TIPIN: variants seen among roughly 807,000 people sequenced by gnomAD.
The protein encoded by TIPIN is TIMELESS-interacting protein.
A neutral mutation model predicts 35.6 loss-of-function variants in TIPIN; 29 were observed. The observed-to-expected ratio is 0.82, with a 90% CI of 0.61 to 1.11. The LOEUF (loss-of-function observed/expected upper bound fraction) is 1.11. TIPIN is among the 50% of genes most tolerant of loss of function. TIPIN has a pLI of 0.00. For missense variants in TIPIN, 296 were observed against 345.4 expected, an observed-to-expected ratio of 0.86 and a Z score of 1.13; for synonymous variants, 102 against 121.5, an observed-to-expected ratio of 0.84 and a Z score of 1.06.
intron 1 of TIPIN, among the ~76,000 whole-genome samples, chr15:66,354,436 T>C (rs1461319370): frequency 2.0e-5 from 3 of 152,224 alleles, no homozygotes; most frequent in Non-Finnish European, 4.4e-5. Flanking sequence ...TATTTCTCCT[T>C]ATCTCTATAA....
intron 1 of TIPIN, chr15:66,383,711 G>A (rs905158130): frequency 1.0e-5 from 4 of 394,100 alleles, no homozygotes; most frequent in Admixed American, 1.3e-4. Context: ...AAAGAAATGG[G>A]GAGATGTAGG....
At chr15:66,378,715 CCTTT>C (rs980345003) in intron 1 of TIPIN, among the ~76,000 whole-genome samples, 10 of 150,892 alleles carry the variant, frequency 6.6e-5, no homozygotes, top group African/African-American at 2.4e-4. Context: ...TATGATTTCA[CCTTT>C]CTTTCTTTAT....
At chr15:66,356,935 G>A (rs1401781664), upstream of TIPIN, among the ~76,000 whole-genome samples, 1 of 145,812 alleles carries the variant, frequency 6.9e-6, no homozygotes, top group Non-Finnish European at 1.5e-5. Flanking sequence ...TTTTTTTCTT[G>A]AGACTAAGTC....
chr15:66,337,330 T>A (rs191344731), intron 7 of TIPIN, 149 bp from the exon 8 acceptor site: 3,865 of 369,444 alleles, frequency 0.01, 30 homozygotes, highest in Non-Finnish European at 9.9e-3. Flanking sequence ...AAATATATCT[T>A]TTTTTTTTTT....
intron 1 of TIPIN, chr15:66,379,257 T>C (rs1462253332): frequency 3.4e-6 from 5 of 1,481,364 alleles, no homozygotes; most frequent in African/African-American, 1.4e-5. Flanking sequence ...ACAGGTCTTT[T>C]ATTACATCAT....
At chr15:66,386,697 C>A (rs2093340486) in exon 1 of TIPIN, 1 of 183,892 alleles carries the variant, frequency 5.4e-6, no homozygotes, top group African/African-American at 2.3e-5. Context: ...CTGCTTGCCT[C>A]GGGGCGACAG....
At chr15:66,340,171 C>CTTTTTTTTT (rs1213707475) in intron 7 of TIPIN, among the ~76,000 whole-genome samples, 2 of 69,566 alleles carry the variant, frequency 2.9e-5, no homozygotes, top group African/African-American at 5.5e-5. Flanking sequence ...TGCGCCTGGC[C>CTTTTTTTTT]TTTTTTTTTT....
chr15:66,337,023 G>A lies in TIPIN; in HGVS notation c.841C>T (p.Gln281Ter), dbSNP rs765347481. Residue 281 changes from glutamine to a stop codon, truncating the protein, a stop_gained, in exon 8 of 8, where the codon CAG becomes TAG. Coordinates refer to ENST00000261881, the MANE Select transcript of TIPIN (RefSeq NM_017858.3). LOFTEE classifies it high-confidence loss of function. ...TLNEEETLLD[Q>*]SFKNVQQQLD... ...TGCTGTTGCACATTTTTAAAAGACT[G>A]GTCCAGCAGTGTTTCCTCTTCATTT... The A allele has an allele frequency of 6.2e-7, 1 of 1,613,814 alleles. No homozygotes were observed. The highest frequency in any genetic ancestry group is 1.3e-5 in the African/African-American group (1 of 74,902).
In TIPIN at chr15:66,366,936, C is replaced by G. The variant is rs997910014; in HGVS notation, c.-8-13981G>C. 4 of 972,480 alleles carry G rather than the reference C, an allele frequency of 4.1e-6. No individual in the cohort carries two copies. The East Asian group carries it at 4.6e-4, about 111-fold the overall frequency. 60.2% of individuals were successfully genotyped at this position (972,480 alleles called of 1,614,324 possible). A position where few individuals can be genotyped will look rare whatever the true frequency, so the allele number is the denominator to read the frequency against. On this transcript the variant is annotated intron_variant, in intron 1 of 7. Coordinates refer to the TIPIN transcript ENST00000562124. ...GTGGCTCATACCTGTAATCCCACCA[C>G]TTTGGGAGGCCAAGGCAGGTGATCA...
At chr15:66,346,862 GCTCA>G (rs2093129402) in intron 6 of TIPIN, among the ~76,000 whole-genome samples, 1 of 151,880 alleles carries the variant, frequency 6.6e-6, no homozygotes, top group African/African-American at 2.4e-5. Flanking sequence ...CGTGATCTCG[GCTCA>G]CTGCAAGCTC....
intron 1 of TIPIN, among the ~76,000 whole-genome samples, chr15:66,374,871 T>A (rs2093290691): frequency 6.6e-6 from 1 of 151,922 alleles, no homozygotes; most frequent in Non-Finnish European, 1.5e-5. Context: ...TGTGAGCCAC[T>A]GCGCCTGGCC....
chr15:66,351,448 T>C (rs2093167173), intron 4 of TIPIN, 77 bp downstream of exon 4: 2 of 1,089,546 alleles, frequency 1.8e-6, no homozygotes, highest in Non-Finnish European at 1.4e-6. Context: ...CATTCTGAGA[T>C]TTCCAAGATC....
At chr15:66,377,450 C>T (rs956427405) in intron 1 of TIPIN, among the ~76,000 whole-genome samples, 4 of 150,694 alleles carry the variant, frequency 2.7e-5, no homozygotes, top group East Asian at 2.0e-4. Flanking sequence ...CTGCAACCTC[C>T]GCCTCTTGGG....
upstream of TIPIN, among the ~76,000 whole-genome samples, chr15:66,358,522 T>G (rs1261239225): frequency 6.6e-6 from 1 of 151,516 alleles, no homozygotes; most frequent in African/African-American, 2.4e-5. Context: ...CAGGTGATCC[T>G]CCCTCCCCAG....
chr15:66,368,589 G>T (rs1455610339), intron 1 of TIPIN, among the ~76,000 whole-genome samples: 2 of 152,034 alleles, frequency 1.3e-5, no homozygotes, highest in African/African-American at 4.8e-5. Context: ...ACCTAGATTT[G>T]CCAGTTTCTG....
intron 1 of TIPIN, among the ~76,000 whole-genome samples, chr15:66,364,758 G>A (rs934357661): frequency 7.9e-5 from 12 of 151,908 alleles, no homozygotes; most frequent in African/African-American, 2.9e-4. Context: ...CCTGAGGCCA[G>A]GAGTTCGAGA....
chr15:66,338,813 C>CAAAA (rs35966273), intron 7 of TIPIN, among the ~76,000 whole-genome samples: 84 of 35,252 alleles, frequency 2.4e-3, no homozygotes, highest in African/African-American at 0.011. Flanking sequence ...GACTCCGTCT[C>CAAAA]AAAAAAAAAA....
chr15:66,341,503 T>TAATA (rs1181762381), intron 6 of TIPIN, 147 bp from the exon 7 acceptor site: 6,908 of 8,256 alleles, frequency 0.84, 3,219 homozygotes, highest in Middle Eastern at 1. Flanking sequence ...GCGCGGTGGC[T>TAATA]CACGCCTGTA....
intron 3 of TIPIN, 32 bp from the exon 4 acceptor site, chr15:66,351,632 T>G (rs2093168335): frequency 6.7e-7 from 1 of 1,500,720 alleles, no homozygotes; most frequent in Non-Finnish European, 8.9e-7. Flanking sequence ...TAATTTCAAG[T>G]TTTATTTTCT....
Sources: allele counts gnomAD v4.1 joint callset (sites outside exome capture counted in the v4.1 genomes callset), GRCh38; gene constraint gnomAD v4.1.1; transcripts MANE v1.5; gene names NCBI Gene and HGNC (gene_info 2026-07-23, HGNC 2026-07-21).